Variants in GBGT1 observed in about 807,000 individuals in gnomAD.
GBGT1 encodes the protein globoside alpha-1,3-N-acetylgalactosaminyltransferase 1 (FORS blood group).
Under a neutral mutation model 20.9 loss-of-function variants are expected in GBGT1, and 18 were observed. The observed-to-expected ratio is 0.86, with a 90% CI of 0.60 to 1.28. GBGT1 has a LOEUF of 1.28. Among genes scored for constraint, GBGT1 ranks in the 50% most tolerant of loss-of-function variants. The probability of loss-of-function intolerance (pLI) is 0.00; values close to 1 mark genes in which losing one functional copy is unlikely to be tolerated. For synonymous variants in GBGT1, 168 were observed against 180.8 expected (o/e 0.93, Z 0.57); for missense variants, 432 against 455.7 (o/e 0.95, Z 0.47).
At position 133,162,451 on chromosome 9, in the gene GBGT1, C is replaced by A. The variant is rs764627761; in HGVS notation, c.-39G>T. 2.6e-6 allele frequency: 4 copies of A among 1,542,846 alleles called. No individual in the cohort carries two copies. In the Admixed American group the frequency reaches 7.6e-5, roughly 29 times the overall value. ...ACCTGAGCCTGGGCACTTGTAGAGA[C>A]CCCCACTGGCCTGGGCGGATGAGGC... On this transcript the variant is annotated 5_prime_UTR_variant, in exon 2 of 7. Transcript: ENST00000372040.
intron 5 of GBGT1, among the ~76,000 whole-genome samples, 158 bp downstream of exon 5, chr9:133,155,743 C>T (rs1413072544): frequency 6.6e-6 from 1 of 152,092 alleles, no homozygotes; most frequent in East Asian, 1.9e-4. Context: ...GGTCACACAG[C>T]CCAGGTCCCT....
chr9:133,161,600 T>C (rs1429821314), intron 2 of GBGT1, 68 bp from the exon 3 acceptor site: 5 of 1,078,758 alleles, frequency 4.6e-6, no homozygotes, highest in Non-Finnish European at 6.9e-6. Context: ...ACGCACCTCA[T>C]GCACGTCATT....
In GBGT1 at chr9:133,155,281, A is replaced by G; in HGVS notation, c.256T>C (p.Leu86=). 6.2e-6 allele frequency: 10 copies of G among 1,613,998 alleles called. No homozygotes were observed. The highest frequency in any genetic ancestry group is 8.5e-6 in the Non-Finnish European group (10 of 1,179,950). ...GTTCCCTCGGAGACGATGGGCGCCA[A>G]CCAGGGTGTGAGTGTCAGCAGCTGT... The part of the protein sequence containing the change: ...PTQLLTLTPW[L]APIVSEGTFN... Residue 86 remains leucine, a synonymous_variant, in exon 6 of 7, where the codon TTG becomes CTG. Coordinates refer to ENST00000372040, the MANE Select transcript of GBGT1 (RefSeq NM_021996.6).
chr9:133,162,530 C>T lies in GBGT1; in HGVS notation c.-118G>A. The stretch of plus-strand genomic sequence containing the variant: ...AGCCTGGTCTCTGAGGTCCCAGGAA[C>T]ACCTGCAAAGGAACACTTTTGTTGT... On this transcript the variant is annotated splice_region_variant and 5_prime_UTR_variant, in exon 2 of 7. Transcript: ENST00000372040. 2.5e-6 allele frequency: 2 copies of T among 788,372 alleles called. No homozygotes were observed. Among genetic ancestry groups the T allele is most frequent in the Non-Finnish European group, 4.3e-6 (2 of 460,114 alleles). 48.8% of individuals were successfully genotyped at this position (788,372 alleles called of 1,614,324 possible). A position where few individuals can be genotyped will look rare whatever the true frequency, so the allele number is the denominator to read the frequency against.
In GBGT1 at chr9:133,162,503, T is replaced by C. The variant is rs1164202042; in HGVS notation, c.-91A>G. The C allele has an allele frequency of 3.8e-6, 4 of 1,058,910 alleles. No homozygotes were observed. Among genetic ancestry groups the C allele is most frequent in the Non-Finnish European group, 5.7e-6 (4 of 698,036 alleles). 65.6% of individuals were successfully genotyped at this position (1,058,910 alleles called of 1,614,324 possible). A position where few individuals can be genotyped will look rare whatever the true frequency, so the allele number is the denominator to read the frequency against. On this transcript the variant is annotated 5_prime_UTR_variant, in exon 2 of 7. Transcript: ENST00000372040. ...GTCCCCTCGCAGGGATGTCAGGCTC[T>C]GAGCCTGGTCTCTGAGGTCCCAGGA...
In GBGT1 at chr9:133,156,034, G is replaced by T. The variant is rs755730083; in HGVS notation, c.169C>A (p.Pro57Thr). 3.8e-5 allele frequency: 61 copies of T among 1,614,116 alleles called. No individual in the cohort carries two copies. The highest frequency in any genetic ancestry group is 5.0e-5 in the Admixed American group (3 of 60,030). Residue 57 changes from proline (P) to threonine (T), a missense_variant, in exon 4 of 7, where the codon CCA becomes ACA. Physicochemically the swap from Pro to Thr is conservative, Grantham distance 38. Transcript: ENST00000372040. ...CCTTACCATACCACGGGCTGGAGTG[G>T]CTTCTCCCTCTTGTAGTGCAGCTTC... ...NMKLHYKREKPLQPVVWSQYP... is the reference protein window; with the variant it reads ...NMKLHYKREKTLQPVVWSQYP...
intron 1 of GBGT1, chr9:133,163,036 C>T (rs1224039202): frequency 1.3e-5 from 2 of 153,346 alleles, no homozygotes; most frequent in Non-Finnish European, 2.9e-5. Flanking sequence ...GGACCGACTT[C>T]GCAGAGGCCG....
Position 133,152,950 on chromosome 9 carries a change from G to C in GBGT1, c.*627C>G, listed in dbSNP as rs1024712157. On this transcript the variant is annotated 3_prime_UTR_variant, in exon 7 of 7. Coordinates refer to ENST00000372040, the MANE Select transcript of GBGT1 (RefSeq NM_021996.6). Reference sequence around the variant, plus strand: ...AAAACAAAAAAAATCACCCTAGCTAGGGTTGAGCACACGCCCCCTTTATTA... The same window carrying C: ...AAAACAAAAAAAATCACCCTAGCTACGGTTGAGCACACGCCCCCTTTATTA... The C allele has an allele frequency of 2.6e-5, 4 of 152,088 alleles. No individual in the cohort carries two copies. Among genetic ancestry groups the C allele is most frequent in the Non-Finnish European group, 5.9e-5 (4 of 68,028 alleles). 9.4% of individuals were successfully genotyped at this position (152,088 alleles called of 1,614,324 possible). A position where few individuals can be genotyped will look rare whatever the true frequency, so the allele number is the denominator to read the frequency against.
In GBGT1 at chr9:133,153,970, A is replaced by G; in HGVS notation, c.651T>C (p.Pro217=). 2.5e-6 allele frequency: 4 copies of G among 1,613,564 alleles called. No homozygotes were observed. Among genetic ancestry groups the G allele is most frequent in the Non-Finnish European group, 3.4e-6 (4 of 1,179,680 alleles). The part of the protein sequence containing the change: ...VDMVFRNPWG[P]ETLGDLVAAI... ...CAGCCACCAGGTCTCCCAAGGTCTC[A>G]GGGCCCCACGGGTTCCGAAACACCA... The change falls in exon 7 of 7, where the codon CCT becomes CCC. Residue 217 remains proline (P), a synonymous_variant. Transcript: ENST00000372040.
At chr9:133,155,031 CTG>C in intron 6 of GBGT1, 145 bp downstream of exon 6, 1 of 664,848 alleles carries the variant, frequency 1.5e-6, no homozygotes, top group South Asian at 1.8e-5. Context: ...ACACCCTACA[CTG>C]TACTTTCTAT....
chr9:133,157,900 A>T (rs1322158348), intron 3 of GBGT1, among the ~76,000 whole-genome samples: 1 of 152,148 alleles, frequency 6.6e-6, no homozygotes, highest in Non-Finnish European at 1.5e-5. Context: ...TAATCCCAGC[A>T]CTTTGGGAGG....
At chr9:133,161,438 C>A in intron 3 of GBGT1, 29 bp downstream of exon 3, 1 of 1,504,546 alleles carries the variant, frequency 6.6e-7, no homozygotes, top group Non-Finnish European at 9.2e-7. Flanking sequence ...CTCAGGGCCC[C>A]CAGTTCTCCT....
chr9:133,163,791 G>A lies in GBGT1; in HGVS notation c.-158C>T, dbSNP rs1424179124. 6.6e-6 allele frequency: 1 copy of A among 152,548 alleles called. No homozygotes were observed. The highest frequency in any genetic ancestry group is 1.9e-4 in the East Asian group (1 of 5,204). The allele number at this position is 152,548 out of a possible 1,614,324, so 9.4% of individuals were successfully genotyped here. A position where few individuals can be genotyped will look rare whatever the true frequency, so the allele number is the denominator to read the frequency against. The stretch of plus-strand genomic sequence containing the variant: ...GCCCGGCGTTAGGACGGTTGGAGGG[G>A]CGCCACCCCGGCGCGGAAAACGGAC... On this transcript the variant is annotated 5_prime_UTR_variant, in exon 1 of 7. Transcript: ENST00000372040.
intron 3 of GBGT1, among the ~76,000 whole-genome samples, chr9:133,156,864 G>A (rs1046287829): frequency 9.9e-5 from 15 of 152,178 alleles, no homozygotes; most frequent in East Asian, 1.9e-4. Context: ...TTACTATGTC[G>A]CCCAGGCTGG....
At position 133,153,820 on chromosome 9, in the gene GBGT1, C is replaced by T. The variant is rs759974822; in HGVS notation, c.801G>A (p.Gly267=). ...DFYYGGAVFG[G]QVARVYEFTR... ...TAAACTCATATACCCTGGCCACCTG[C>T]CCCCCGAAGACTGCCCCACCATAAT... Residue 267 remains glycine, a synonymous_variant, in exon 7 of 7, where the codon GGG becomes GGA. Coordinates refer to ENST00000372040, the MANE Select transcript of GBGT1 (RefSeq NM_021996.6). 22 of 1,586,542 alleles carry T rather than the reference C, an allele frequency of 1.4e-5. No individual in the cohort carries two copies. The highest frequency in any genetic ancestry group is 1.8e-5 in the Non-Finnish European group (21 of 1,163,268).
intron 5 of GBGT1, 115 bp from the exon 6 acceptor site, chr9:133,155,427 C>T: frequency 8.3e-7 from 1 of 1,198,544 alleles, no homozygotes; most frequent in African/African-American, 1.5e-5. Flanking sequence ...CATCTCTGGG[C>T]CTCCCTTTCC....
chr9:133,160,101 C>T, intron 3 of GBGT1: 2 of 301,802 alleles, frequency 6.6e-6, no homozygotes, highest in Non-Finnish European at 1.4e-5. Flanking sequence ...ACCAACCTGG[C>T]CAACATGATG....
chr9:133,156,227 C>G (rs1035494567), intron 3 of GBGT1, 162 bp from the exon 4 acceptor site: 8 of 710,770 alleles, frequency 1.1e-5, no homozygotes, highest in Middle Eastern at 3.8e-4. Context: ...TACAGAGGAG[C>G]TGGGGACCCC....
chr9:133,154,455 A>C lies in GBGT1; in HGVS notation c.360-194T>G. 1 of 454,068 alleles carries C rather than the reference A, an allele frequency of 2.2e-6. No homozygotes were observed. The highest frequency in any genetic ancestry group is 3.9e-6 in the Non-Finnish European group (1 of 257,372). 28.1% of individuals were successfully genotyped at this position (454,068 alleles called of 1,614,324 possible). On this transcript the variant is annotated intron_variant, in intron 6 of 6. Coordinates refer to ENST00000372040, the MANE Select transcript of GBGT1 (RefSeq NM_021996.6). The surrounding 1 kb of genome is among the most constrained non-coding windows in gnomAD (Gnocchi z 4.2). ...CCAGCCTCTTACGGCTGTTGTAAGC[A>C]TGTTCCTGGTAGAGATTCTTATGCT...
Sources: allele counts gnomAD v4.1 joint callset (sites outside exome capture counted in the v4.1 genomes callset), GRCh38; gene constraint gnomAD v4.1.1; non-coding constraint Gnocchi (gnomAD v3.1); transcripts MANE v1.5; gene names NCBI Gene and HGNC (gene_info 2026-07-23, HGNC 2026-07-21).